APBB2: variants seen among roughly 807,000 people sequenced by gnomAD.
APBB2 encodes amyloid beta precursor protein binding family B member 2, also known as Fe65-like 1.
APBB2 carries 38 observed loss-of-function variants against 82.5 expected under a neutral mutation model. The ratio of observed to expected loss-of-function variants is 0.46; its 90% CI spans 0.36 to 0.60. The LOEUF (loss-of-function observed/expected upper bound fraction) is 0.60, where lower values mean the gene tolerates loss of function less well. APBB2 is among the 20% of genes least tolerant of loss of function. APBB2 has a pLI of 0.00. For synonymous variants in APBB2, 341 were observed against 368.2 expected (o/e 0.93, Z 0.85); for missense variants, 772 against 972.3 (o/e 0.79, Z 2.74).
intron 10 of APBB2, among the ~76,000 whole-genome samples, chr4:40,910,783 A>C (rs1187654394): frequency 6.6e-6 from 1 of 152,270 alleles, no homozygotes; most frequent in Non-Finnish European, 1.5e-5. Context: ...GCAGTCCTGG[A>C]CTACCACTCC....
rs1186901062 is a variant in APBB2 at position 40,810,212 on chromosome 4, G to T, written c.*5880C>A. The T allele has an allele frequency of 2.0e-5, 3 of 152,136 alleles. No homozygotes were observed. Among genetic ancestry groups the T allele is most frequent in the Non-Finnish European group, 2.9e-5 (2 of 68,022 alleles). 9.4% of individuals were successfully genotyped at this position (152,136 alleles called of 1,614,324 possible). ...TTACTTGAAGTGAGAAAAGAGAATG[G>T]TGAATTGTATTATAGCGGTAATACA... On this transcript the variant is annotated 3_prime_UTR_variant, in exon 18 of 18. Coordinates refer to ENST00000508593, the MANE Select transcript of APBB2 (RefSeq NM_004307.2).
chr4:41,039,093 T>C (rs1720369687), intron 4 of APBB2, among the ~76,000 whole-genome samples: 2 of 152,238 alleles, frequency 1.3e-5, no homozygotes, highest in Non-Finnish European at 1.5e-5. Flanking sequence ...CTGGAATACA[T>C]AGTATATATT....
intron 2 of APBB2, among the ~76,000 whole-genome samples, chr4:41,132,620 C>T (rs942937028): frequency 2.6e-5 from 4 of 152,210 alleles, no homozygotes. Context: ...TTCAAACACA[C>T]TTCAGCAAGA....
Position 41,054,300 on chromosome 4 carries a change from A to G in APBB2, c.-51+11276T>C, listed in dbSNP as rs6814424. Among the ~76,000 whole-genome samples the G allele has an allele frequency of 8.1e-3, 1,230 of 152,266 alleles. 14 individuals are homozygous for G. The highest frequency in any genetic ancestry group is 0.028 in the African/African-American group (1,154 of 41,550). On this transcript the variant is annotated intron_variant, in intron 4 of 17. Transcript: ENST00000508593. ...AGCAACCTCACTCCCATCCCAGTGG[A>G]CTTATTCTCAGGTCTCACTGGCCAG...
At chr4:40,917,585 G>GA (rs534384006) in intron 10 of APBB2, among the ~76,000 whole-genome samples, 133 of 152,032 alleles carry the variant, frequency 8.7e-4, no homozygotes, top group African/African-American at 2.9e-3. Flanking sequence ...ACTATCCAGA[G>GA]AAAAAAACAC....
At chr4:41,154,580 T>C (rs1187915964) in intron 1 of APBB2, among the ~76,000 whole-genome samples, 1 of 151,388 alleles carries the variant, frequency 6.6e-6, no homozygotes, top group Non-Finnish European at 1.5e-5. Context: ...ACCCTACAAT[T>C]CCTGTCTCCC....
intron 12 of APBB2, among the ~76,000 whole-genome samples, chr4:40,837,523 A>C (rs182321105): frequency 6.6e-6 from 1 of 152,282 alleles, no homozygotes; most frequent in Admixed American, 6.5e-5. Context: ...CATCACTCCC[A>C]GTTTTTCCAA....
chr4:40,945,568 T>A (rs1021324701), intron 6 of APBB2, among the ~76,000 whole-genome samples: 1 of 152,204 alleles, frequency 6.6e-6, no homozygotes, highest in Admixed American at 6.5e-5. Flanking sequence ...CTCATTTGAT[T>A]GGGACACCTA....
intron 10 of APBB2, among the ~76,000 whole-genome samples, chr4:40,901,573 G>A (rs1030258349): frequency 2.6e-5 from 4 of 152,102 alleles, no homozygotes; most frequent in East Asian, 1.9e-4. Flanking sequence ...GCACTGGCAC[G>A]ATCTCGGCTC....
At chr4:40,897,310 C>A (rs1472327273) in intron 10 of APBB2, among the ~76,000 whole-genome samples, 2 of 152,140 alleles carry the variant, frequency 1.3e-5, no homozygotes, top group Non-Finnish European at 2.9e-5. Flanking sequence ...TCGAGACGAG[C>A]CTGGCCAACA....
intron 1 of APBB2, among the ~76,000 whole-genome samples, chr4:41,183,932 A>G: frequency 6.6e-6 from 1 of 152,032 alleles, no homozygotes; most frequent in East Asian, 1.9e-4. Context: ...TAATGAAATA[A>G]TTATACAACT....
At chr4:40,891,609 A>G (rs1772036455) in intron 11 of APBB2, among the ~76,000 whole-genome samples, 1 of 152,232 alleles carries the variant, frequency 6.6e-6, no homozygotes, top group African/African-American at 2.4e-5. Flanking sequence ...TAGGTATCTC[A>G]GTGCCTCTGT....
intron 1 of APBB2, among the ~76,000 whole-genome samples, chr4:41,189,433 T>C (rs1198309634): frequency 6.6e-6 from 1 of 152,108 alleles, no homozygotes; most frequent in Admixed American, 6.5e-5. Flanking sequence ...AACAGTTGCA[T>C]ATATATGGAA....
At chr4:41,097,566 G>T (rs1299283661) in intron 3 of APBB2, among the ~76,000 whole-genome samples, 1 of 152,126 alleles carries the variant, frequency 6.6e-6, no homozygotes, top group South Asian at 2.1e-4. Context: ...AGTGGAAAAA[G>T]TTACCAAAAA....
chr4:41,213,061 T>C (rs761692052), intron 1 of APBB2, among the ~76,000 whole-genome samples: 1 of 150,510 alleles, frequency 6.6e-6, no homozygotes, highest in Non-Finnish European at 1.5e-5. Flanking sequence ...GGGGACAAGA[T>C]TTTAAATCTG....
intron 6 of APBB2, among the ~76,000 whole-genome samples, chr4:40,982,139 C>G (rs1339523486): frequency 6.8e-6 from 1 of 147,908 alleles, no homozygotes; most frequent in African/African-American, 2.5e-5. Context: ...GAGCCGAGGT[C>G]ACACCATTGC....
chr4:40,857,389 C>T (rs1761621739), intron 12 of APBB2, among the ~76,000 whole-genome samples: 1 of 152,230 alleles, frequency 6.6e-6, no homozygotes, highest in Admixed American at 6.5e-5. Context: ...CCTTTTTGGA[C>T]TCTCAAGACT....
At chr4:40,825,459 C>T (rs1028207715) in intron 15 of APBB2, among the ~76,000 whole-genome samples, 8 of 152,232 alleles carry the variant, frequency 5.3e-5, no homozygotes, top group Non-Finnish European at 1.0e-4. Context: ...GAGCTGAATG[C>T]TGTGTGTGCC....
chr4:40,964,192 C>G (rs1404955994), intron 6 of APBB2, among the ~76,000 whole-genome samples: 1 of 152,150 alleles, frequency 6.6e-6, no homozygotes, highest in African/African-American at 2.4e-5. Context: ...CTTACTGTGA[C>G]TAAAGGCTAC....
Sources: allele counts gnomAD v4.1 joint callset (sites outside exome capture counted in the v4.1 genomes callset), GRCh38; gene constraint gnomAD v4.1.1; transcripts MANE v1.5; gene names NCBI Gene and HGNC (gene_info 2026-07-23, HGNC 2026-07-21).